Variants in IQCM observed in about 807,000 individuals in gnomAD.
The protein encoded by IQCM is IQ motif containing M.
Under a neutral mutation model 57.6 loss-of-function variants are expected in IQCM, and 45 were observed. The ratio of observed to expected loss-of-function variants is 0.78; its 90% CI spans 0.62 to 1.00. The LOEUF is 1.00. Among genes scored for constraint, IQCM ranks in the 50% least tolerant of loss-of-function variants. The pLI, the probability that IQCM is intolerant of heterozygous loss-of-function variation, is 0.00. For synonymous variants in IQCM, 148 were observed against 158.9 expected (o/e 0.93, Z 0.51); for missense variants, 468 against 511.6 (o/e 0.91, Z 0.82).
At chr4:149,774,152 GT>G (rs142857552) in intron 2 of IQCM, among the ~76,000 whole-genome samples, 3,433 of 151,844 alleles carry the variant, frequency 0.023, 128 homozygotes, top group African/African-American at 0.079. Context: ...CTAATCCAAG[GT>G]TTATTTACAG....
chr4:149,372,725 T>G (rs1486189918), intron 13 of IQCM, among the ~76,000 whole-genome samples: 3 of 152,138 alleles, frequency 2.0e-5, no homozygotes, highest in Non-Finnish European at 4.4e-5. Context: ...AAACTAAGTT[T>G]AAGAAAATCA....
intron 10 of IQCM, among the ~76,000 whole-genome samples, chr4:149,561,857 T>C (rs1053873571): frequency 2.6e-5 from 4 of 152,114 alleles, no homozygotes; most frequent in African/African-American, 4.8e-5. Flanking sequence ...GGCACAATAA[T>C]GACCAGAAAA....
intron 13 of IQCM, among the ~76,000 whole-genome samples, chr4:149,371,934 T>C (rs888811221): frequency 1.3e-5 from 2 of 152,190 alleles, no homozygotes; most frequent in Non-Finnish European, 2.9e-5. Flanking sequence ...CTCCATTTGA[T>C]ACTTCTCATG....
chr4:149,522,579 G>C lies in IQCM; in HGVS notation c.1228+25876C>G, dbSNP rs780892192. Among the ~76,000 whole-genome samples the C allele has an allele frequency of 2.0e-4, 31 of 152,248 alleles. 1 individual carries two copies. The highest frequency in any genetic ancestry group is 4.3e-4 in the Non-Finnish European group (29 of 68,020). On this transcript the variant is annotated intron_variant, in intron 12 of 13. Coordinates refer to ENST00000636793, the MANE Select transcript of IQCM (RefSeq NM_001363507.2). The stretch of plus-strand genomic sequence containing the variant: ...CATTAAAGCCTGATTTAGTAGCCTA[G>C]AAGATACAGAGGAGGAAATAATTCA...
chr4:149,534,118 T>C (rs1227573459), intron 12 of IQCM, among the ~76,000 whole-genome samples: 1 of 152,140 alleles, frequency 6.6e-6, no homozygotes, highest in Non-Finnish European at 1.5e-5. Context: ...AAAATCTAGG[T>C]ACCTTAACTT....
chr4:149,569,739 C>T (rs1750979372), intron 9 of IQCM, among the ~76,000 whole-genome samples: 1 of 152,040 alleles, frequency 6.6e-6, no homozygotes, highest in Non-Finnish European at 1.5e-5. Context: ...AACCATGAAC[C>T]TGTTAGACTA....
intron 2 of IQCM, among the ~76,000 whole-genome samples, chr4:149,801,867 C>T (rs1025821034): frequency 6.6e-6 from 1 of 151,832 alleles, no homozygotes; most frequent in Non-Finnish European, 1.5e-5. Context: ...AATAATTATA[C>T]ATTTTCAAAT....
chr4:149,360,583 G>T (rs868021409), intron 13 of IQCM, among the ~76,000 whole-genome samples: 16 of 152,082 alleles, frequency 1.1e-4, no homozygotes, highest in Middle Eastern at 3.2e-3. Context: ...CTGAATCATG[G>T]GGGCTGATCT....
At chr4:149,443,534 A>C (rs923272306) in intron 12 of IQCM, among the ~76,000 whole-genome samples, 1 of 151,984 alleles carries the variant, frequency 6.6e-6, no homozygotes, top group Non-Finnish European at 1.5e-5. Flanking sequence ...ACACCAAAAA[A>C]CATTCTCAGA....
chr4:149,695,529 C>T (rs752089684), intron 5 of IQCM, among the ~76,000 whole-genome samples: 9 of 152,204 alleles, frequency 5.9e-5, no homozygotes, highest in Non-Finnish European at 8.8e-5. Flanking sequence ...AATGCAGACT[C>T]CCTTTTCAAG....
intron 8 of IQCM, among the ~76,000 whole-genome samples, chr4:149,592,221 T>A: frequency 6.6e-6 from 1 of 152,342 alleles, no homozygotes; most frequent in African/African-American, 2.4e-5. Context: ...ATGAGCATTT[T>A]TTCATATACC....
At chr4:149,647,891 A>T (rs1042749479) in intron 7 of IQCM, among the ~76,000 whole-genome samples, 1 of 152,136 alleles carries the variant, frequency 6.6e-6, no homozygotes, top group African/African-American at 2.4e-5. Flanking sequence ...GGAATGTAAG[A>T]TCTTGGCAGT....
At chr4:149,694,964 T>C (rs930195859) in intron 5 of IQCM, among the ~76,000 whole-genome samples, 1 of 152,236 alleles carries the variant, frequency 6.6e-6, no homozygotes, top group South Asian at 2.1e-4. Context: ...TAATTTCATA[T>C]GAATTATAAT....
chr4:149,396,091 C>A (rs951537639), intron 13 of IQCM, among the ~76,000 whole-genome samples: 7 of 151,706 alleles, frequency 4.6e-5, no homozygotes, highest in Admixed American at 1.3e-4. Flanking sequence ...CTAATATTTG[C>A]ATTTTAATTT....
intron 12 of IQCM, among the ~76,000 whole-genome samples, chr4:149,435,106 C>G (rs567172432): frequency 1.3e-4 from 20 of 152,196 alleles, no homozygotes; most frequent in Admixed American, 1.3e-3. Context: ...CTGCTCTTGT[C>G]AATTATTAGA....
At chr4:149,406,338 G>C (rs1732979418) in intron 13 of IQCM, among the ~76,000 whole-genome samples, 1 of 152,096 alleles carries the variant, frequency 6.6e-6, no homozygotes, top group South Asian at 2.1e-4. Context: ...AGTCAGGGAG[G>C]TAAGAAAAGG....
intron 12 of IQCM, among the ~76,000 whole-genome samples, chr4:149,537,522 G>C (rs1022072969): frequency 6.6e-6 from 1 of 151,798 alleles, no homozygotes; most frequent in Non-Finnish European, 1.5e-5. Flanking sequence ...GCAAAGGAAA[G>C]GAGAGAGAAG....
intron 12 of IQCM, chr4:149,514,454 T>A (rs1744733922): frequency 6.6e-6 from 1 of 152,196 alleles, no homozygotes; most frequent in Non-Finnish European, 1.5e-5. Context: ...TACAGAAACT[T>A]GTATCAGGCA....
At chr4:149,510,019 T>C (rs1047795788) in intron 12 of IQCM, among the ~76,000 whole-genome samples, 10 of 152,192 alleles carry the variant, frequency 6.6e-5, no homozygotes, top group Non-Finnish European at 1.3e-4. Flanking sequence ...ATGAGTCTGT[T>C]TGCTAGGAAA....
Sources: gnomAD v4.1 joint callset for allele counts (sites outside exome capture counted in the v4.1 genomes callset) on GRCh38, gnomAD v4.1.1 for gene constraint, MANE v1.5 for transcripts, NCBI Gene and HGNC (gene_info 2026-07-23, HGNC 2026-07-21) for gene names.